VPS13B: variants seen among roughly 807,000 people sequenced by gnomAD.
VPS13B encodes the protein vacuolar protein sorting 13 homolog B.
Under a neutral mutation model 426.4 loss-of-function variants are expected in VPS13B, and 285 were observed. The ratio of observed to expected loss-of-function variants is 0.67; its 90% confidence interval spans 0.61 to 0.74. The LOEUF (loss-of-function observed/expected upper bound fraction) is 0.74. Among genes scored for constraint, VPS13B ranks in the 30% least tolerant of loss-of-function variants. VPS13B has a pLI of 0.00. For synonymous variants in VPS13B, 1,676 were observed against 1,676.4 expected (o/e 1.00, Z 0.01); for missense variants, 4,537 against 4,782.6 (o/e 0.95, Z 1.51).
intron 19 of VPS13B, among the ~76,000 whole-genome samples, chr8:99,342,595 A>G (rs150739917): frequency 5.5e-4 from 84 of 152,274 alleles, no homozygotes; most frequent in African/African-American, 1.9e-3. Flanking sequence ...TTAAGGCTGA[A>G]TAGTAGTCTA....
chr8:99,092,656 T>C (rs1466778678), intron 3 of VPS13B, among the ~76,000 whole-genome samples: 2 of 152,114 alleles, frequency 1.3e-5, no homozygotes, highest in African/African-American at 4.8e-5. Context: ...TAAAATGTAA[T>C]TGAAATGAAA....
chr8:99,371,657 T>A (rs1813184874), intron 19 of VPS13B, among the ~76,000 whole-genome samples: 1 of 152,236 alleles, frequency 6.6e-6, no homozygotes, highest in South Asian at 2.1e-4. Flanking sequence ...TGTAAATTAC[T>A]TTGGGCAGTA....
At chr8:99,755,181 T>C (rs1810580610) in intron 39 of VPS13B, among the ~76,000 whole-genome samples, 1 of 152,076 alleles carries the variant, frequency 6.6e-6, no homozygotes, top group Non-Finnish European at 1.5e-5. Context: ...CCTCTGTCTG[T>C]CCTTAAAGCT....
At chr8:99,857,137 C>A (rs1404514136) in intron 56 of VPS13B, among the ~76,000 whole-genome samples, 1 of 152,200 alleles carries the variant, frequency 6.6e-6, no homozygotes, top group Non-Finnish European at 1.5e-5. Context: ...GCTAAGATGT[C>A]ACTGAGATGT....
At chr8:99,507,008 T>C in intron 27 of VPS13B, 129 bp from the exon 28 acceptor site, 1 of 919,434 alleles carries the variant, frequency 1.1e-6, no homozygotes, top group South Asian at 1.4e-5. Flanking sequence ...ATTGATTGCA[T>C]TGTCAGATTT....
intron 2 of VPS13B, among the ~76,000 whole-genome samples, chr8:99,028,429 C>T (rs1272998760): frequency 2.1e-5 from 3 of 144,548 alleles, no homozygotes; most frequent in Non-Finnish European, 4.6e-5. Context: ...GGGCGGCTGG[C>T]GGGGCAGAGG....
chr8:99,071,700 A>C (rs2132335127), intron 3 of VPS13B, among the ~76,000 whole-genome samples: 1 of 152,208 alleles, frequency 6.6e-6, no homozygotes, highest in Admixed American at 6.5e-5. Context: ...TAGAAATGTC[A>C]TCTAGGAGCC....
intron 39 of VPS13B, among the ~76,000 whole-genome samples, chr8:99,743,766 T>C (rs1044148863): frequency 6.6e-6 from 1 of 152,192 alleles, no homozygotes; most frequent in Non-Finnish European, 1.5e-5. Flanking sequence ...GAAAACTGGC[T>C]AGCCATATGT....
intron 52 of VPS13B, among the ~76,000 whole-genome samples, chr8:99,833,969 T>A (rs1449846366): frequency 6.6e-6 from 1 of 152,248 alleles, no homozygotes; most frequent in Non-Finnish European, 1.5e-5. Context: ...TTTTGTGCTG[T>A]CCCATCTCCT....
chr8:99,588,252 G>A lies in VPS13B; in HGVS notation c.5220+10619G>A, dbSNP rs960580575. Among the ~76,000 whole-genome samples the A allele has an allele frequency of 5.3e-5, 8 of 151,830 alleles. 1 individual carries two copies. The highest frequency in any genetic ancestry group is 1.5e-4 in the African/African-American group (6 of 41,152). ...AGTATAGTTTGAAGTCAGGTAGCAC[G>A]ATGCCTCCAGCTTTGTTCTTTTTGC... On this transcript the variant is annotated intron_variant, in intron 33 of 61. Coordinates refer to ENST00000357162, the MANE Select transcript of VPS13B (RefSeq NM_152564.5).
chr8:99,700,064 T>C, intron 36 of VPS13B, 132 bp downstream of exon 36: 3 of 1,081,150 alleles, frequency 2.8e-6, no homozygotes, highest in Non-Finnish European at 3.9e-6. Flanking sequence ...GATGAGGACA[T>C]TTCTGGTTTG....
At chr8:99,026,624 C>CT in intron 2 of VPS13B, among the ~76,000 whole-genome samples, 1 of 152,070 alleles carries the variant, frequency 6.6e-6, no homozygotes, top group Non-Finnish European at 1.5e-5. Flanking sequence ...TCTGAGTGTT[C>CT]TAGTAGTGAG....
At chr8:99,044,484 GTTTA>G (rs1304530277) in intron 3 of VPS13B, among the ~76,000 whole-genome samples, 3 of 151,398 alleles carry the variant, frequency 2.0e-5, no homozygotes, top group Middle Eastern at 3.4e-3. Context: ...TTTTATTTTT[GTTTA>G]TTTATCTTTT....
At chr8:99,859,523 C>CTT (rs10710929) in intron 57 of VPS13B, 43 bp downstream of exon 57, 2,747 of 1,465,678 alleles carry the variant, frequency 1.9e-3, no homozygotes, top group African/African-American at 3.1e-3. Flanking sequence ...CACTCCTTCC[C>CTT]TTTTTTTTTT....
chr8:99,275,218 C>T lies in VPS13B; in HGVS notation c.2788C>T (p.Gln930Ter), dbSNP rs372949456. 6 of 1,611,818 alleles carry T rather than the reference C, an allele frequency of 3.7e-6. No individual in the cohort carries two copies. Among genetic ancestry groups the T allele is most frequent in the Non-Finnish European group, 5.1e-6 (6 of 1,179,214 alleles). The change falls in exon 19 of 62, where the codon CAA becomes TAA. Residue 930 changes from glutamine to a stop codon, truncating the protein, a stop_gained. Coordinates refer to ENST00000357162, the MANE Select transcript of VPS13B (RefSeq NM_152564.5). LOFTEE classifies it high-confidence loss of function. The stretch of plus-strand genomic sequence containing the variant: ...TCCAGATTTGATGGCCTTCACAATC[C>T]AAGTTCCACAATATATTGACTACTG... ...LAPDLMAFTI[Q>*]VPQYIDYCHN...
chr8:99,725,826 C>T (rs1182155170), intron 39 of VPS13B, among the ~76,000 whole-genome samples: 1 of 152,184 alleles, frequency 6.6e-6, no homozygotes, highest in African/African-American at 2.4e-5. Context: ...TTACATTACT[C>T]AACCTCTTTG....
At chr8:99,541,265 C>T (rs1823600624) in intron 30 of VPS13B, among the ~76,000 whole-genome samples, 1 of 151,994 alleles carries the variant, frequency 6.6e-6, no homozygotes, top group African/African-American at 2.4e-5. Flanking sequence ...CTAAAGTCAA[C>T]CCTATGTGGC....
intron 30 of VPS13B, 101 bp from the exon 31 acceptor site, chr8:99,556,349 A>G: frequency 4.6e-6 from 6 of 1,303,608 alleles, no homozygotes; most frequent in Non-Finnish European, 6.4e-6. Flanking sequence ...TCCAAAGGAA[A>G]AAAATGGTAT....
chr8:99,610,759 A>G (rs1199554400), intron 33 of VPS13B, among the ~76,000 whole-genome samples: 1 of 152,210 alleles, frequency 6.6e-6, no homozygotes, highest in Non-Finnish European at 1.5e-5. Flanking sequence ...CATGATCTAA[A>G]GAAATTCAGA....
Sources: gnomAD v4.1 joint callset for allele counts (sites outside exome capture counted in the v4.1 genomes callset) on GRCh38, gnomAD v4.1.1 for gene constraint, MANE v1.5 for transcripts, NCBI Gene and HGNC (gene_info 2026-07-23, HGNC 2026-07-21) for gene names.